The following PRDM5 variants were observed in gnomAD, a reference collection of about 807,000 sequenced individuals.
PRDM5 encodes the protein PR/SET domain 5.
PRDM5 carries 56 observed loss-of-function variants against 81.2 expected under a neutral mutation model. The ratio of observed to expected loss-of-function variants is 0.69; its 90% CI spans 0.56 to 0.86. The LOEUF is 0.86. Ranked by LOEUF, PRDM5 falls within the 40% of genes least tolerant of loss-of-function variation. The pLI is 0.00. For synonymous variants in PRDM5, 267 were observed against 256.4 expected (o/e 1.04, Z -0.39); for missense variants, 697 against 770.1 (o/e 0.91, Z 1.12).
At chr4:120,706,297 G>A (rs1381787845) in intron 15 of PRDM5, among the ~76,000 whole-genome samples, 1 of 152,110 alleles carries the variant, frequency 6.6e-6, no homozygotes, top group African/African-American at 2.4e-5. Context: ...GGAGATCAGA[G>A]AGAATATATG....
At position 120,816,835 on chromosome 4, in the gene PRDM5, G is replaced by C; in HGVS notation, c.740C>G (p.Ser247Trp). The change falls in exon 6 of 16, where the codon TCG becomes TGG. Residue 247 changes from serine to tryptophan, a missense_variant. Ser to Trp is a radical substitution (Grantham distance 177). Around this residue, in one of 3 missense-constraint regions of PRDM5, gnomAD observed 577 missense variants for 606.7 expected, o/e 0.95. Transcript: ENST00000264808. ...SVCNSSFSSASSFEQHQETCR... is the reference protein window; with the variant it reads ...SVCNSSFSSAWSFEQHQETCR... ...TTTCATAACTCAGACACAAAACCTCGATGCTGAACTGAAGGAAGAATTGCA... is the reference window on the plus strand; with the variant it reads ...TTTCATAACTCAGACACAAAACCTCCATGCTGAACTGAAGGAAGAATTGCA... 6.2e-7 allele frequency: 1 copy of C among 1,612,874 alleles called. No homozygotes were observed. Among genetic ancestry groups the C allele is most frequent in the Non-Finnish European group, 8.5e-7 (1 of 1,178,872 alleles).
chr4:120,779,938 T>A (rs1748797303), intron 12 of PRDM5, among the ~76,000 whole-genome samples: 1 of 150,908 alleles, frequency 6.6e-6, no homozygotes, highest in Non-Finnish European at 1.5e-5. Flanking sequence ...ACAAACAATA[T>A]ATATATATAA....
intron 2 of PRDM5, among the ~76,000 whole-genome samples, chr4:120,879,305 A>G (rs1272619851): frequency 1.3e-5 from 2 of 152,212 alleles, no homozygotes; most frequent in Admixed American, 6.5e-5. Flanking sequence ...GCTACATACT[A>G]TATGACTGCA....
chr4:120,747,631 G>C (rs1426409649), intron 14 of PRDM5, among the ~76,000 whole-genome samples: 1 of 152,064 alleles, frequency 6.6e-6, no homozygotes, highest in South Asian at 2.1e-4. Context: ...AAGTGCAAAA[G>C]GCACAGGTCT....
At chr4:120,728,044 A>G (rs1466175214) in intron 14 of PRDM5, among the ~76,000 whole-genome samples, 1 of 151,998 alleles carries the variant, frequency 6.6e-6, no homozygotes, top group Non-Finnish European at 1.5e-5. Flanking sequence ...AGTGGTTTAT[A>G]TCACTCACAG....
At chr4:120,779,908 TCAAACAAA>T (rs113762671) in intron 12 of PRDM5, among the ~76,000 whole-genome samples, 4 of 151,664 alleles carry the variant, frequency 2.6e-5, no homozygotes, top group Middle Eastern at 3.4e-3. Flanking sequence ...AGACTCTGAC[TCAAACAAA>T]CAAACAAACA....
intron 2 of PRDM5, among the ~76,000 whole-genome samples, chr4:120,903,502 C>T (rs562307610): frequency 6.6e-6 from 1 of 152,322 alleles, no homozygotes; most frequent in South Asian, 2.1e-4. Context: ...AGCAATAACT[C>T]TGCAATTCTA....
chr4:120,800,223 A>C (rs2149288899), intron 8 of PRDM5, among the ~76,000 whole-genome samples: 1 of 152,322 alleles, frequency 6.6e-6, no homozygotes, highest in Middle Eastern at 3.4e-3. Flanking sequence ...TCACAATAGA[A>C]GTTTCACATG....
intron 15 of PRDM5, among the ~76,000 whole-genome samples, chr4:120,708,302 T>G (rs1736485582): frequency 6.6e-6 from 1 of 152,220 alleles, no homozygotes; most frequent in South Asian, 2.1e-4. Context: ...GGAATATCAT[T>G]CAGCCATAAA....
intron 1 of PRDM5, among the ~76,000 whole-genome samples, chr4:120,917,609 G>T (rs1436541514): frequency 6.6e-6 from 1 of 150,426 alleles, no homozygotes. Flanking sequence ...ATTGTTAAAT[G>T]AATGTGTAAA....
chr4:120,833,719 T>C (rs1046649868), intron 3 of PRDM5, among the ~76,000 whole-genome samples: 1 of 152,148 alleles, frequency 6.6e-6, no homozygotes, highest in African/African-American at 2.4e-5. Context: ...AACAGAAATG[T>C]GTTTCCAGTA....
rs1734189372 is a variant in PRDM5, at chr4:120,693,177, T to A, written c.*1934A>T. 6.6e-6 allele frequency: 1 copy of A among 152,176 alleles called. No individual in the cohort carries two copies. Among genetic ancestry groups the A allele is most frequent in the African/African-American group, 2.4e-5 (1 of 41,530 alleles). 9.4% of individuals were successfully genotyped at this position (152,176 alleles called of 1,614,324 possible). A position where few individuals can be genotyped will look rare whatever the true frequency, so the allele number is the denominator to read the frequency against. ...TTCAGGGTAATTTCCCCAGCAGCCA[T>A]GTGAACTGTGACTCACTGAGATTAC... On this transcript the variant is annotated 3_prime_UTR_variant, in exon 16 of 16. Transcript: ENST00000264808.
intron 2 of PRDM5, chr4:120,885,888 T>G (rs967509467): frequency 4.6e-5 from 7 of 152,076 alleles, no homozygotes; most frequent in Non-Finnish European, 8.8e-5. Context: ...AGTTATGTGT[T>G]TTTTTTTCTT....
chr4:120,907,227 G>A (rs1023149906), intron 2 of PRDM5, among the ~76,000 whole-genome samples: 3 of 151,550 alleles, frequency 2.0e-5, no homozygotes, highest in Admixed American at 6.6e-5. Context: ...CCAGCTACTC[G>A]GGAGACTAAG....
intron 14 of PRDM5, among the ~76,000 whole-genome samples, chr4:120,713,801 A>T (rs1737355448): frequency 6.6e-6 from 1 of 152,184 alleles, no homozygotes; most frequent in African/African-American, 2.4e-5. Context: ...GGGTCACTAT[A>T]AACAACAGAC....
intron 2 of PRDM5, among the ~76,000 whole-genome samples, chr4:120,901,795 G>A (rs1237288908): frequency 1.3e-5 from 2 of 152,170 alleles, no homozygotes; most frequent in Admixed American, 6.5e-5. Flanking sequence ...TCTGCACACA[G>A]TAAAAGCTGT....
At chr4:120,785,320 TA>T (rs201223145) in intron 10 of PRDM5, among the ~76,000 whole-genome samples, 242 of 149,988 alleles carry the variant, frequency 1.6e-3, no homozygotes, top group Non-Finnish European at 3.1e-3. Flanking sequence ...TGATAAATAG[TA>T]AAAAAAAAAT....
chr4:120,914,560 T>C (rs1723883115), intron 1 of PRDM5, among the ~76,000 whole-genome samples: 1 of 152,122 alleles, frequency 6.6e-6, no homozygotes, highest in Non-Finnish European at 1.5e-5. Flanking sequence ...AGTTCCACAT[T>C]GCTAGGGAGG....
intron 2 of PRDM5, among the ~76,000 whole-genome samples, chr4:120,883,731 T>TA (rs931896983): frequency 3.3e-5 from 5 of 151,974 alleles, no homozygotes; most frequent in Non-Finnish European, 7.4e-5. Flanking sequence ...TAAAGTATAA[T>TA]AAAAAAAAGA....
Sources: gnomAD v4.1 joint callset for allele counts (sites outside exome capture counted in the v4.1 genomes callset) on GRCh38, gnomAD v4.1.1 for gene constraint, gnomAD v4.1.1 regional missense constraint, MANE v1.5 for transcripts, NCBI Gene and HGNC (gene_info 2026-07-23, HGNC 2026-07-21) for gene names.